COL20A1: variants seen among roughly 807,000 people sequenced by gnomAD.
The protein encoded by COL20A1 is collagen type XX alpha 1 chain, also known as collagen alpha-1(XX) chain.
COL20A1 carries 164 observed loss-of-function variants against 152.9 expected under a neutral mutation model. The ratio of observed to expected loss-of-function variants is 1.07; its 90% CI spans 0.94 to 1.22. The LOEUF (loss-of-function observed/expected upper bound fraction) is 1.22. Among genes scored for constraint, COL20A1 ranks in the 50% most tolerant of loss-of-function variants. COL20A1 has a pLI of 0.00. For missense variants in COL20A1, 1,873 were observed against 1,744.8 expected (o/e 1.07, Z -1.31); for synonymous variants, 864 against 756.0 (o/e 1.14, Z -2.34).
rs1399708438 is a variant in COL20A1 at position 63,308,573 on chromosome 20, C to T, written c.807C>T (p.Asn269=). 6.2e-7 allele frequency: 1 copy of T among 1,605,706 alleles called. No individual in the cohort carries two copies. The highest frequency in any genetic ancestry group is 1.3e-5 in the African/African-American group (1 of 74,832). ...CCCTGACCCACGTGCTGGGGCAGAA[C>T]CTGCAGCCGGCGGCTGGCCTCCGTC... ...GLALTHVLGQ[N]LQPAAGLRPE... is the part of the protein sequence containing the mutation. The change falls in exon 8 of 36, where the codon AAC becomes AAT. Residue 269 remains asparagine, a synonymous_variant. Transcript: ENST00000358894.
At position 63,315,398 on chromosome 20, in the gene COL20A1, C is replaced by A; in HGVS notation, c.2489-6C>A. The A allele has an allele frequency of 6.4e-7, 1 of 1,574,380 alleles. No homozygotes were observed. On this transcript the variant is annotated splice_region_variant and splice_polypyrimidine_tract_variant and intron_variant, in intron 19 of 35. Coordinates refer to ENST00000358894, the MANE Select transcript of COL20A1 (RefSeq NM_020882.4). ...CACTCACACTGACCCTGTCTCCTCT[C>A]AGCAGCCTGCCCAGCCCTCCGCCCT...
intron 21 of COL20A1, among the ~76,000 whole-genome samples, chr20:63,317,942 G>C (rs373915879): frequency 6.6e-6 from 1 of 152,110 alleles, no homozygotes; most frequent in South Asian, 2.1e-4. Context: ...GGGTGAGGTG[G>C]GAGCTCTGAT....
chr20:63,300,864 A>G (rs899372175), intron 3 of COL20A1, among the ~76,000 whole-genome samples: 1 of 152,168 alleles, frequency 6.6e-6, no homozygotes, highest in African/African-American at 2.4e-5. Context: ...AAAAATATCT[A>G]ATTTTTGTTA....
chr20:63,303,774 G>C (rs1217711519), intron 3 of COL20A1, among the ~76,000 whole-genome samples: 3 of 152,124 alleles, frequency 2.0e-5, no homozygotes, highest in African/African-American at 7.2e-5. Context: ...TTTCTTTCCA[G>C]GTGTGCAGGT....
In COL20A1 at chr20:63,309,749, C is replaced by T. The variant is rs989813591; in HGVS notation, c.1106-9C>T. On this transcript the variant is annotated splice_polypyrimidine_tract_variant and intron_variant, in intron 9 of 35. Coordinates refer to ENST00000358894, the MANE Select transcript of COL20A1 (RefSeq NM_020882.4). ...GACCACCTGCCCCCCACTCCCGCTA[C>T]TCCAGCAGCAGCGGCTCCAGCCCTG... 9 of 1,559,512 alleles carry T rather than the reference C, an allele frequency of 5.8e-6. No homozygotes were observed. Among genetic ancestry groups the T allele is most frequent in the East Asian group, 2.3e-5 (1 of 42,710 alleles).
At chr20:63,322,011 C>T (rs1255320801) in intron 26 of COL20A1, 47 bp from the exon 27 acceptor site, 4 of 1,482,720 alleles carry the variant, frequency 2.7e-6, no homozygotes, top group Non-Finnish European at 3.6e-6. Context: ...GCTCCTCTAC[C>T]TTGGTTGGGT....
At position 63,332,162 on chromosome 20, in the gene COL20A1, G is replaced by C. The variant is rs1224242164; in HGVS notation, c.*1446G>C. 1 of 152,354 alleles carries C rather than the reference G, an allele frequency of 6.6e-6. No individual in the cohort carries two copies. The highest frequency in any genetic ancestry group is 1.5e-5 in the Non-Finnish European group (1 of 68,112). 9.4% of individuals were successfully genotyped at this position (152,354 alleles called of 1,614,324 possible). On this transcript the variant is annotated 3_prime_UTR_variant, in exon 36 of 36. Transcript: ENST00000358894. ...GAAGAAGTCACGTGGCATCGAGACA[G>C]ATTTTGCACTGAGGGACAAGGAGAG...
In COL20A1 at chr20:63,294,271, C is replaced by T. The variant is rs925667608; in HGVS notation, c.-10-827C>T. 5.5e-5 allele frequency among the ~76,000 whole-genome samples: 8 copies of T among 146,226 alleles called. 1 individual carries two copies. Among genetic ancestry groups the T allele is most frequent in the Admixed American group, 4.2e-4 (6 of 14,414 alleles). On this transcript the variant is annotated intron_variant, in intron 1 of 35. Coordinates refer to ENST00000358894, the MANE Select transcript of COL20A1 (RefSeq NM_020882.4). ...CCGGCATTTCTTCTTCAGCCCTGGG[C>T]GTGGTGGCAGGTGGAGGACTCGGGC...
chr20:63,330,520 A>T (rs181849280), intron 35 of COL20A1, among the ~76,000 whole-genome samples, 200 bp from the exon 36 acceptor site: 125 of 151,896 alleles, frequency 8.2e-4, no homozygotes, highest in African/African-American at 3.0e-3. Context: ...TCAGAGAATG[A>T]CCCCACCCAC....
intron 30 of COL20A1, 68 bp downstream of exon 30, chr20:63,326,217 G>C: frequency 1.5e-6 from 2 of 1,318,584 alleles, no homozygotes; most frequent in Non-Finnish European, 1.1e-6. Flanking sequence ...TCAGGCAGAG[G>C]CCAGTCTGAA....
intron 26 of COL20A1, 31 bp from the exon 27 acceptor site, chr20:63,322,027 T>G: frequency 6.6e-7 from 1 of 1,510,022 alleles, no homozygotes; most frequent in South Asian, 1.3e-5. Flanking sequence ...TGGGTAGTTC[T>G]GGGGGCTTAG....
At position 63,331,929 on chromosome 20, in the gene COL20A1, A is replaced by ATTCAACT. The variant is rs1353747713; in HGVS notation, c.*1214_*1220dup. On this transcript the variant is annotated 3_prime_UTR_variant, in exon 36 of 36. Coordinates refer to ENST00000358894, the MANE Select transcript of COL20A1 (RefSeq NM_020882.4). ...CTTCAGGGCAAACACTTCATCTATG[A>ATTCAACT]TTCAACTGTTCCAGGAACTGACCAG... 1 of 152,348 alleles carries ATTCAACT rather than the reference A, an allele frequency of 6.6e-6. No individual in the cohort carries two copies. The highest frequency in any genetic ancestry group is 1.9e-4 in the East Asian group (1 of 5,190). 9.4% of individuals were successfully genotyped at this position (152,348 alleles called of 1,614,324 possible). A position where few individuals can be genotyped will look rare whatever the true frequency, so the allele number is the denominator to read the frequency against.
rs552453852 is a variant in COL20A1 at position 63,318,990 on chromosome 20, G to A, written c.2664-68G>A. 5.2e-5 allele frequency: 67 copies of A among 1,298,832 alleles called. 2 individuals carry two copies. The South Asian group carries it at 7.0e-4, about 14-fold the overall frequency. 80.5% of individuals were successfully genotyped at this position (1,298,832 alleles called of 1,614,324 possible). A position where few individuals can be genotyped will look rare whatever the true frequency, so the allele number is the denominator to read the frequency against. On this transcript the variant is annotated intron_variant, in intron 21 of 35. Transcript: ENST00000358894. ...CACTGGGGCTGGGGCTGGGCGAGCG[G>A]ATCGTTCTGCCAGGTTTGGCTGCCC...
rs1601409807 is a variant in COL20A1, at chr20:63,305,664, G to A, written c.337+104G>A. 3.7e-6 allele frequency: 5 copies of A among 1,334,210 alleles called. No homozygotes were observed. The highest frequency in any genetic ancestry group is 5.0e-5 in the East Asian group (2 of 39,764). 82.6% of individuals were successfully genotyped at this position (1,334,210 alleles called of 1,614,324 possible). On this transcript the variant is annotated intron_variant, in intron 4 of 35. Transcript: ENST00000358894. This position sits in a 1 kb window ranked among gnomAD's most constrained non-coding sequence, Gnocchi z 4.9. ...CCTCCAGGCTGCGTTCCAGCCCCAGGGGTGGGTATGTGTGAAGCAGTTCTG... is the reference window on the plus strand; with the variant it reads ...CCTCCAGGCTGCGTTCCAGCCCCAGAGGTGGGTATGTGTGAAGCAGTTCTG...
chr20:63,308,151 C>T (rs2067954828), intron 7 of COL20A1, 61 bp downstream of exon 7: 8 of 1,581,376 alleles, frequency 5.1e-6, no homozygotes, highest in Non-Finnish European at 6.9e-6. Flanking sequence ...GCCGCCCTCC[C>T]AGATCCCGAA....
intron 27 of COL20A1, chr20:63,324,579 T>C (rs1267826096): frequency 6.6e-6 from 1 of 152,332 alleles, no homozygotes; most frequent in Non-Finnish European, 1.5e-5. Flanking sequence ...CTGTGCGTCT[T>C]GGAGCTATTA....
At chr20:63,327,848 A>G in intron 31 of COL20A1, 104 bp from the exon 32 acceptor site, 1 of 1,200,196 alleles carries the variant, frequency 8.3e-7, no homozygotes, top group African/African-American at 1.5e-5. Flanking sequence ...CACTGTGGCT[A>G]TCAGGCTGCC....
At chr20:63,327,857 C>T in intron 31 of COL20A1, 95 bp from the exon 32 acceptor site, 2 of 1,297,136 alleles carry the variant, frequency 1.5e-6, no homozygotes, top group South Asian at 2.6e-5. Flanking sequence ...TATCAGGCTG[C>T]CTGAGTGAGG....
In COL20A1 at chr20:63,334,055, G is replaced by C. The variant is rs932587966; in HGVS notation, c.*3339G>C. 1 of 152,218 alleles carries C rather than the reference G, an allele frequency of 6.6e-6. No individual in the cohort carries two copies. The highest frequency in any genetic ancestry group is 6.5e-5 in the Admixed American group (1 of 15,284). 9.4% of individuals were successfully genotyped at this position (152,218 alleles called of 1,614,324 possible). A position where few individuals can be genotyped will look rare whatever the true frequency, so the allele number is the denominator to read the frequency against. On this transcript the variant is annotated 3_prime_UTR_variant, in exon 36 of 36. Coordinates refer to ENST00000358894, the MANE Select transcript of COL20A1 (RefSeq NM_020882.4). The stretch of plus-strand genomic sequence containing the variant: ...TACAGCCCCCCATCGTGATCTGATG[G>C]TAAGTACAGAACTCCTTGCCCAGTG...
Sources: gnomAD v4.1 joint callset for allele counts (sites outside exome capture counted in the v4.1 genomes callset) on GRCh38, gnomAD v4.1.1 for gene constraint, Gnocchi (gnomAD v3.1) non-coding constraint, MANE v1.5 for transcripts, NCBI Gene and HGNC (gene_info 2026-07-23, HGNC 2026-07-21) for gene names.